CSMD3: variants seen among roughly 807,000 people sequenced by gnomAD.
The protein encoded by CSMD3 is CUB and Sushi multiple domains 3.
A neutral mutation model predicts 435.2 loss-of-function variants in CSMD3; 177 were observed. The ratio of observed to expected loss-of-function variants is 0.41; its 90% CI spans 0.36 to 0.46. The LOEUF is 0.46. CSMD3 is among the 20% of genes least tolerant of loss of function. The probability of loss-of-function intolerance (pLI) is 0.34; values close to 1 mark genes in which losing one functional copy is unlikely to be tolerated. For missense variants in CSMD3, 4,265 were observed against 4,504.6 expected (o/e 0.95, Z 1.52); for synonymous variants, 1,656 against 1,520.5 (o/e 1.09, Z -2.07).
At chr8:112,815,147 T>C (rs1475580881) in intron 12 of CSMD3, among the ~76,000 whole-genome samples, 2 of 151,620 alleles carry the variant, frequency 1.3e-5, no homozygotes, top group South Asian at 2.1e-4. Flanking sequence ...CAGTTCAGAA[T>C]GTGGGCCAAT....
chr8:112,363,795 A>G lies in CSMD3; in HGVS notation c.6137-11261T>C, dbSNP rs190508495. On this transcript the variant is annotated intron_variant, in intron 38 of 70. Coordinates refer to ENST00000297405, the MANE Select transcript of CSMD3 (RefSeq NM_198123.2). ...GTTAAGAAGTGCAATGTGTTTATAA[A>G]GATCAATTACACTTATTTGCATGCA... is the stretch of plus-strand genomic sequence containing the variant. Among the ~76,000 whole-genome samples, 77 of 152,178 alleles carry G rather than the reference A, an allele frequency of 5.1e-4. 1 individual carries two copies. The highest frequency in any genetic ancestry group is 3.4e-3 in the Middle Eastern group (1 of 294).
intron 13 of CSMD3, among the ~76,000 whole-genome samples, chr8:112,754,162 T>TTAGGATGGTACACAGTACAAAG (rs1485961618): frequency 3.3e-5 from 5 of 152,164 alleles, no homozygotes; most frequent in African/African-American, 1.2e-4. Flanking sequence ...CTTTGTTCAC[T>TTAGGATGGTACACAGTACAAAG]TAGGATGGTA....
intron 35 of CSMD3, among the ~76,000 whole-genome samples, chr8:112,404,128 T>A (rs570921963): frequency 6.6e-6 from 1 of 152,300 alleles, no homozygotes; most frequent in Non-Finnish European, 1.5e-5. Flanking sequence ...TTCCTAGTTA[T>A]TTGTGAGAGC....
In CSMD3 at chr8:113,242,810, A is replaced by G. The variant is rs192379273; in HGVS notation, c.514+35782T>C. Among the ~76,000 whole-genome samples, 153 of 152,122 alleles carry G rather than the reference A, an allele frequency of 1.0e-3. 2 individuals are homozygous for G. Among genetic ancestry groups the G allele is most frequent in the African/African-American group, 3.5e-3 (144 of 41,564 alleles). On this transcript the variant is annotated intron_variant, in intron 3 of 70. Transcript: ENST00000297405. The stretch of plus-strand genomic sequence containing the variant: ...TTTATTAAATTCAAAAATGGGGAAG[A>G]CATTGAATATACCTAAAATATAGGT...
chr8:113,231,403 C>T (rs539064805), intron 3 of CSMD3, among the ~76,000 whole-genome samples: 2 of 151,306 alleles, frequency 1.3e-5, no homozygotes, highest in East Asian at 3.9e-4. Flanking sequence ...GCATAAAGTG[C>T]ACTTTACTAA....
chr8:113,268,452 G>A (rs920922291), intron 3 of CSMD3, among the ~76,000 whole-genome samples: 2 of 151,812 alleles, frequency 1.3e-5, no homozygotes, highest in Non-Finnish European at 2.9e-5. Context: ...TAGAAATTCA[G>A]AAATTCAAGT....
chr8:112,935,455 AT>A (rs2083251915), intron 9 of CSMD3, among the ~76,000 whole-genome samples: 2 of 152,102 alleles, frequency 1.3e-5, no homozygotes, highest in Admixed American at 1.3e-4. Context: ...TGTCATTGGT[AT>A]TTTGTTTGAG....
At chr8:113,109,969 G>A (rs1290910526) in intron 4 of CSMD3, among the ~76,000 whole-genome samples, 2 of 152,210 alleles carry the variant, frequency 1.3e-5, no homozygotes, top group Non-Finnish European at 2.9e-5. Flanking sequence ...GAGAAGCACG[G>A]AAACAGAGTG....
intron 5 of CSMD3, among the ~76,000 whole-genome samples, chr8:113,076,228 T>C (rs534050221): frequency 9.1e-4 from 138 of 151,512 alleles, no homozygotes; most frequent in African/African-American, 3.1e-3. Context: ...TACACAGATA[T>C]ATAGATTAAG....
intron 30 of CSMD3, among the ~76,000 whole-genome samples, chr8:112,503,362 C>A (rs1247913937): frequency 2.6e-5 from 4 of 152,198 alleles, no homozygotes; most frequent in Non-Finnish European, 4.4e-5. Flanking sequence ...GGATTACAGG[C>A]ATGACTGATG....
intron 1 of CSMD3, among the ~76,000 whole-genome samples, chr8:113,401,723 A>G (rs1173681356): frequency 6.6e-6 from 1 of 151,688 alleles, no homozygotes; most frequent in Non-Finnish European, 1.5e-5. Context: ...TGGACTGCAT[A>G]ACAATATTTC....
intron 6 of CSMD3, among the ~76,000 whole-genome samples, chr8:112,991,171 T>G (rs2085443625): frequency 6.6e-6 from 1 of 151,652 alleles, no homozygotes; most frequent in Admixed American, 6.6e-5. Context: ...AATTGTTTGC[T>G]GAATTAAATA....
intron 3 of CSMD3, among the ~76,000 whole-genome samples, chr8:113,219,717 A>T (rs747334924): frequency 4.6e-5 from 7 of 151,490 alleles, no homozygotes; most frequent in Non-Finnish European, 1.0e-4. Context: ...AATTTATTAA[A>T]TTCCTCTATA....
intron 10 of CSMD3, among the ~76,000 whole-genome samples, chr8:112,916,616 G>C (rs1342835615): frequency 1.3e-5 from 2 of 151,762 alleles, no homozygotes; most frequent in Non-Finnish European, 2.9e-5. Flanking sequence ...AACTAAGAAG[G>C]CATCAACAAC....
intron 10 of CSMD3, among the ~76,000 whole-genome samples, chr8:112,910,103 A>G (rs1185883205): frequency 1.3e-5 from 2 of 151,938 alleles, no homozygotes; most frequent in Admixed American, 6.6e-5. Context: ...AAATTGACCA[A>G]TTTATCACAG....
intron 1 of CSMD3, among the ~76,000 whole-genome samples, chr8:113,329,994 A>G (rs1293406937): frequency 6.6e-6 from 1 of 152,128 alleles, no homozygotes; most frequent in East Asian, 1.9e-4. Flanking sequence ...TCAAATCCAC[A>G]TAAATAAAGA....
intron 3 of CSMD3, among the ~76,000 whole-genome samples, chr8:113,188,566 GA>G: frequency 6.6e-6 from 1 of 152,002 alleles, no homozygotes; most frequent in East Asian, 1.9e-4. Context: ...AATAAATCTT[GA>G]TTATTTTGCC....
chr8:112,508,762 C>T (rs983088524), intron 28 of CSMD3, among the ~76,000 whole-genome samples: 12 of 152,246 alleles, frequency 7.9e-5, no homozygotes, highest in African/African-American at 2.9e-4. Context: ...ATAATCCTGT[C>T]TGAATCAAAG....
At chr8:112,592,707 T>A (rs1439392924) in intron 22 of CSMD3, among the ~76,000 whole-genome samples, 23 of 152,156 alleles carry the variant, frequency 1.5e-4, no homozygotes, top group Admixed American at 1.5e-3. Context: ...CTTTTCATTT[T>A]TTCTTCTTTC....
Sources: gnomAD v4.1 joint callset for allele counts (sites outside exome capture counted in the v4.1 genomes callset) on GRCh38, gnomAD v4.1.1 for gene constraint, MANE v1.5 for transcripts, NCBI Gene and HGNC (gene_info 2026-07-23, HGNC 2026-07-21) for gene names.